The following IWS1 variants were observed in gnomAD, a reference collection of about 807,000 sequenced individuals.
IWS1 encodes interacts with SUPT6H, CTD assembly factor 1.
Under a neutral mutation model 86.7 loss-of-function variants are expected in IWS1, and 27 were observed. That is an observed-to-expected ratio of 0.31 (90% CI 0.23 to 0.43). IWS1 has a LOEUF of 0.43. Ranked by LOEUF, IWS1 falls within the 20% of genes least tolerant of loss-of-function variation. The pLI is 1.00. For synonymous variants in IWS1, 313 were observed against 335.1 expected (o/e 0.93, Z 0.72); for missense variants, 827 against 1,000.8 (o/e 0.83, Z 2.34).
chr2:127,524,647 A>G lies in IWS1; in HGVS notation c.35-856T>C, dbSNP rs193228437. Among the ~76,000 whole-genome samples, 8 of 151,186 alleles carry G rather than the reference A, an allele frequency of 5.3e-5. No individual in the cohort carries two copies. The East Asian group carries it at 1.6e-3, about 30-fold the overall frequency. ...TCCACCCCCCCGGGTTCAACAAGTG[A>G]TTCTCCTGCCTCAGCCTCCTGAGTA... On this transcript the variant is annotated intron_variant, in intron 1 of 13. Coordinates refer to ENST00000295321, the MANE Select transcript of IWS1 (RefSeq NM_017969.3).
chr2:127,523,396 C>G (rs1368211040), intron 2 of IWS1, among the ~76,000 whole-genome samples: 1 of 152,100 alleles, frequency 6.6e-6, no homozygotes, highest in African/African-American at 2.4e-5. Flanking sequence ...GAAACTTAGT[C>G]AAATATCAAA....
At chr2:127,494,647 GT>G (rs540621596) in intron 8 of IWS1, 31 of 342,450 alleles carry the variant, frequency 9.1e-5, no homozygotes, top group Admixed American at 4.8e-5. Context: ...TAGTTTCCAA[GT>G]TTTTCTTTCG....
chr2:127,492,073 G>A lies in IWS1; in HGVS notation c.1945C>T (p.Gln649Ter), dbSNP rs2104668112. 6.2e-7 allele frequency: 1 copy of A among 1,613,088 alleles called. No individual in the cohort carries two copies. The highest frequency in any genetic ancestry group is 1.1e-5 in the South Asian group (1 of 91,058). ...ATCCCACTATGCTTCAGGGTCTCCT[G>A]GCTCACACTAGGCAGCTGGGGAACA... Reference protein sequence around the residue: ...KILQELPSVSQETLKHSGIGR... With the variant: ...KILQELPSVS Residue 649 changes from glutamine to a stop codon, truncating the protein, a stop_gained, in exon 10 of 14, where the codon CAG (glutamine) becomes TAG (stop). Transcript: ENST00000295321. LOFTEE classifies it high-confidence loss of function.
chr2:127,507,395 G>T (rs1057298908), intron 2 of IWS1, among the ~76,000 whole-genome samples: 2 of 152,096 alleles, frequency 1.3e-5, no homozygotes, highest in African/African-American at 2.4e-5. Context: ...GCACATTCAG[G>T]TAAGTTTCCA....
intron 2 of IWS1, among the ~76,000 whole-genome samples, chr2:127,520,786 C>CTTCA (rs1242084373): frequency 1.3e-5 from 2 of 152,208 alleles, no homozygotes; most frequent in Non-Finnish European, 2.9e-5. Flanking sequence ...GTACAAAAAT[C>CTTCA]TTCAGGGCAG....
At chr2:127,498,868 T>G (rs970975489) in intron 5 of IWS1, 1 of 152,342 alleles carries the variant, frequency 6.6e-6, no homozygotes, top group East Asian at 1.9e-4. Flanking sequence ...GGGGGTAACG[T>G]TGGGCATTTT....
intron 5 of IWS1, among the ~76,000 whole-genome samples, chr2:127,500,153 T>C (rs1690725625): frequency 1.3e-5 from 2 of 152,296 alleles, no homozygotes; most frequent in South Asian, 2.1e-4. Context: ...GAAGACTCCA[T>C]GTTAACGGAA....
intron 8 of IWS1, 184 bp downstream of exon 8, chr2:127,494,688 G>T: frequency 2.5e-6 from 1 of 399,466 alleles, no homozygotes; most frequent in Non-Finnish European, 4.5e-6. Context: ...TGTTCTGTTT[G>T]CACCAGGCAT....
At position 127,499,280 on chromosome 2, in the gene IWS1, T is replaced by C. The variant is rs541294361; in HGVS notation, c.1468-1043A>G. Among the ~76,000 whole-genome samples the C allele has an allele frequency of 1.8e-3, 269 of 152,148 alleles. 3 individuals are homozygous for C. Among genetic ancestry groups the C allele is most frequent in the South Asian group, 0.011 (53 of 4,814 alleles). On this transcript the variant is annotated intron_variant, in intron 5 of 13. Coordinates refer to ENST00000295321, the MANE Select transcript of IWS1 (RefSeq NM_017969.3). This position sits in a 1 kb window ranked among gnomAD's most constrained non-coding sequence, Gnocchi z 4.0. ...TAATTTTTCGTATTTTTAGTAGAGATGGGGTTTCACCACGTTAGCCAGGAT... is the reference window on the plus strand; with the variant it reads ...TAATTTTTCGTATTTTTAGTAGAGACGGGGTTTCACCACGTTAGCCAGGAT...
chr2:127,488,801 T>C (rs1298774960), intron 12 of IWS1, among the ~76,000 whole-genome samples: 1 of 152,216 alleles, frequency 6.6e-6, no homozygotes, highest in African/African-American at 2.4e-5. Flanking sequence ...CCCTTCAGTC[T>C]ACTTGCCATT....
In IWS1 at chr2:127,521,731, C is replaced by T. The variant is rs574223316; in HGVS notation, c.150+1945G>A. Reference sequence around the variant, plus strand: ...AGTATACATACAGCACTTGCAACATCGCAAAGTTGAAAATTTTTAAGTCAA... The same window carrying T: ...AGTATACATACAGCACTTGCAACATTGCAAAGTTGAAAATTTTTAAGTCAA... On this transcript the variant is annotated intron_variant, in intron 2 of 13. Transcript: ENST00000295321. Among the ~76,000 whole-genome samples, 9 of 152,274 alleles carry T rather than the reference C, an allele frequency of 5.9e-5. No individual in the cohort carries two copies. In the South Asian group the frequency reaches 1.5e-3, roughly 25 times the overall value.
intron 12 of IWS1, among the ~76,000 whole-genome samples, chr2:127,488,953 A>G (rs1690072518): frequency 1.3e-5 from 2 of 152,232 alleles, no homozygotes; most frequent in Admixed American, 1.3e-4. Flanking sequence ...CAAGGAGTCT[A>G]GCACTTAGCA....
At chr2:127,519,785 A>C (rs1691986605) in intron 2 of IWS1, among the ~76,000 whole-genome samples, 1 of 152,220 alleles carries the variant, frequency 6.6e-6, no homozygotes, top group Non-Finnish European at 1.5e-5. Context: ...CCCAATTATA[A>C]TTACAAAGGT....
At chr2:127,501,967 T>G (rs1198978420) in intron 5 of IWS1, among the ~76,000 whole-genome samples, 1 of 152,244 alleles carries the variant, frequency 6.6e-6, no homozygotes, top group Non-Finnish European at 1.5e-5. Context: ...ATCTTGTTTC[T>G]TATCTCCCTG....
chr2:127,492,217 T>C (rs1690265032), intron 9 of IWS1, 129 bp from the exon 10 acceptor site: 1 of 637,416 alleles, frequency 1.6e-6, no homozygotes, highest in African/African-American at 1.8e-5. Flanking sequence ...TCTACAGACA[T>C]AGAACACAAA....
At chr2:127,496,269 A>G in intron 6 of IWS1, 121 bp from the exon 7 acceptor site, 1 of 1,101,992 alleles carries the variant, frequency 9.1e-7, no homozygotes, top group Non-Finnish European at 1.3e-6. Flanking sequence ...ACCTTCTTTT[A>G]AAAGTGCAAA....
intron 12 of IWS1, among the ~76,000 whole-genome samples, chr2:127,487,182 T>C (rs921138630): frequency 6.6e-6 from 1 of 152,210 alleles, no homozygotes; most frequent in South Asian, 2.1e-4. Flanking sequence ...CAGATTCAAA[T>C]GAAGTTGTAA....
At chr2:127,486,717 G>A (rs1229054732) in intron 12 of IWS1, 53 bp from the exon 13 acceptor site, 21 of 1,340,038 alleles carry the variant, frequency 1.6e-5, no homozygotes, top group Non-Finnish European at 2.1e-5. Flanking sequence ...CCACAGTGGG[G>A]CACATAGGCC....
chr2:127,483,854 T>C (rs909446221), intron 13 of IWS1, among the ~76,000 whole-genome samples: 55 of 152,274 alleles, frequency 3.6e-4, no homozygotes, highest in African/African-American at 1.3e-3. Flanking sequence ...TGATATTTAG[T>C]ATAATTTTAA....
Sources: allele counts gnomAD v4.1 joint callset (sites outside exome capture counted in the v4.1 genomes callset), GRCh38; gene constraint gnomAD v4.1.1; non-coding constraint Gnocchi (gnomAD v3.1); transcripts MANE v1.5; gene names NCBI Gene and HGNC (gene_info 2026-07-23, HGNC 2026-07-21).